TEKTL1: variants seen among roughly 807,000 people sequenced by gnomAD.
TEKTL1 encodes the protein tektin-like protein 1.
At chr19:15,019,421 G>A in the TEKTL1 span, among the ~76,000 whole-genome samples, 30,164 of 152,014 alleles carry the variant, frequency 0.2, 3,188 homozygotes, top group African/African-American at 0.27. Flanking sequence ...TATGTGAGAC[G>A]ATGGATATGT....
the TEKTL1 span, chr19:15,013,574 G>C: frequency 1.2e-6 from 1 of 830,350 alleles, no homozygotes; most frequent in South Asian, 1.7e-5. Context: ...TTCAAACTCA[G>C]AGTTTATGAG....
the TEKTL1 span, among the ~76,000 whole-genome samples, chr19:15,011,658 C>G: frequency 1.1e-4 from 17 of 149,896 alleles, 1 homozygote; most frequent in Admixed American, 1.1e-3. Flanking sequence ...CACTTGAACC[C>G]GGGAGGCAGA....
At chr19:15,016,534 G>A in the TEKTL1 span, among the ~76,000 whole-genome samples, 10 of 152,158 alleles carry the variant, frequency 6.6e-5, no homozygotes, top group East Asian at 1.9e-4. Flanking sequence ...CTGGCACATC[G>A]CCTGGCATCA....
At chr19:15,010,876 G>A in the TEKTL1 span, 1 of 1,558,980 alleles carries the variant, frequency 6.4e-7, no homozygotes, top group Non-Finnish European at 8.7e-7. Context: ...CACGCGTTGG[G>A]GCCCCAGCAT....
chr19:15,019,622 C>T, the TEKTL1 span, among the ~76,000 whole-genome samples: 2 of 152,078 alleles, frequency 1.3e-5, no homozygotes, highest in African/African-American at 4.8e-5. Flanking sequence ...AAGATGTAGA[C>T]ATGTCTCTCC....
At chr19:15,019,558 C>G in the TEKTL1 span, among the ~76,000 whole-genome samples, 5 of 151,906 alleles carry the variant, frequency 3.3e-5, 1 homozygote, top group African/African-American at 1.2e-4. Context: ...ATAAAGTAAA[C>G]CTTGAGGGGT....
chr19:15,013,308 G>A, the TEKTL1 span, among the ~76,000 whole-genome samples: 1 of 152,220 alleles, frequency 6.6e-6, no homozygotes, highest in African/African-American at 2.4e-5. Context: ...TCCACCTGTA[G>A]CCAGGGAGAG....
At chr19:15,014,058 A>G in the TEKTL1 span, among the ~76,000 whole-genome samples, 1 of 152,154 alleles carries the variant, frequency 6.6e-6, no homozygotes, top group Non-Finnish European at 1.5e-5. Context: ...TGATTTCCTC[A>G]ATAGAGATGG....
the TEKTL1 span, chr19:15,020,594 C>A: frequency 1.2e-6 from 2 of 1,614,078 alleles, no homozygotes; most frequent in Non-Finnish European, 1.7e-6. Context: ...CTCTCCCGAG[C>A]CCCCACTCCA....
At chr19:15,020,736 T>A in the TEKTL1 span, 1 of 1,249,214 alleles carries the variant, frequency 8.0e-7, no homozygotes, top group Non-Finnish European at 1.1e-6. Context: ...GTCGCCCACT[T>A]AGCTGTCCCT....
chr19:15,021,564 G>A, the TEKTL1 span: 15 of 1,613,410 alleles, frequency 9.3e-6, no homozygotes, highest in East Asian at 2.2e-5. Context: ...GGACAGGGGA[G>A]GAGACGCGGA....
chr19:15,020,788 C>T, the TEKTL1 span: 1 of 751,430 alleles, frequency 1.3e-6, no homozygotes, highest in Middle Eastern at 3.8e-4. Context: ...GGACTGAAAG[C>T]CTATCATGCT....
At chr19:15,013,695 G>T in the TEKTL1 span, 1 of 1,613,614 alleles carries the variant, frequency 6.2e-7, no homozygotes. Flanking sequence ...CTGACAGTAT[G>T]CTTACATGGG....
At chr19:15,020,397 A>G in the TEKTL1 span, 3 of 1,385,030 alleles carry the variant, frequency 2.2e-6, no homozygotes, top group East Asian at 7.0e-5. Context: ...CAGAGAAATC[A>G]CTTGCATCCA....
the TEKTL1 span, chr19:15,020,487 G>A: frequency 6.2e-7 from 1 of 1,613,406 alleles, no homozygotes; most frequent in Non-Finnish European, 8.5e-7. Context: ...GAGACACTCT[G>A]AACTTCTGCT....
At chr19:15,023,201 C>T in the TEKTL1 span, 7 of 1,294,626 alleles carry the variant, frequency 5.4e-6, no homozygotes, top group Non-Finnish European at 7.3e-6. Flanking sequence ...CATGGCCCTC[C>T]CTCTCCCCTG....
At chr19:15,011,302 G>A in the TEKTL1 span, 17 of 1,525,088 alleles carry the variant, frequency 1.1e-5, no homozygotes, top group Non-Finnish European at 1.3e-5. Context: ...GCCAGCGCGA[G>A]GTCACCGACC....
chr19:15,021,873 A>G, the TEKTL1 span: 3 of 1,614,076 alleles, frequency 1.9e-6, no homozygotes, highest in South Asian at 2.2e-5. Context: ...CGCATGTACC[A>G]GAGACACGTG....
chr19:15,022,079 G>A, the TEKTL1 span, among the ~76,000 whole-genome samples: 1 of 152,146 alleles, frequency 6.6e-6, no homozygotes, highest in South Asian at 2.1e-4. Flanking sequence ...ACTGGGTACT[G>A]AAGTGGGTAC....
Sources: gnomAD v4.1 joint callset for allele counts (sites outside exome capture counted in the v4.1 genomes callset) on GRCh38, gnomAD v4.1.1 for gene constraint, MANE v1.5 for transcripts, NCBI Gene and HGNC (gene_info 2026-07-23, HGNC 2026-07-21) for gene names.